The following CFH variants were observed in gnomAD, a reference collection of about 807,000 sequenced individuals.
The protein encoded by CFH is complement factor H.
A neutral mutation model predicts 147.3 loss-of-function variants in CFH; 53 were observed. The ratio of observed to expected loss-of-function variants is 0.36; its 90% CI spans 0.29 to 0.45. The LOEUF (loss-of-function observed/expected upper bound fraction) is 0.45. Ranked by LOEUF, CFH falls within the 20% of genes least tolerant of loss-of-function variation. CFH has a pLI of 1.00. For synonymous variants in CFH, 536 were observed against 489.4 expected (o/e 1.10, Z -1.26); for missense variants, 1,380 against 1,498.0 (o/e 0.92, Z 1.30).
At chr1:196,736,772 T>C (rs1249744852) in intron 15 of CFH, 52 bp from the exon 16 acceptor site, 2 of 929,370 alleles carry the variant, frequency 2.2e-6, no homozygotes, top group Non-Finnish European at 2.8e-6. Context: ...TTTTAATATT[T>C]TTATTTTTTA....
chr1:196,737,137 T>C, intron 16 of CFH, 131 bp downstream of exon 16: 2 of 802,430 alleles, frequency 2.5e-6, no homozygotes, highest in South Asian at 1.7e-5. Flanking sequence ...AATTAGGACC[T>C]AGGCACATTA....
chr1:196,689,164 T>C (rs1031851387), intron 7 of CFH, among the ~76,000 whole-genome samples: 1 of 152,170 alleles, frequency 6.6e-6, no homozygotes. Context: ...CTGTGCATTT[T>C]TCTTTCTGGA....
chr1:196,679,684 T>A lies in CFH; in HGVS notation c.681T>A (p.Tyr227Ter). 1 of 1,608,722 alleles carries A rather than the reference T, an allele frequency of 6.2e-7. No homozygotes were observed. The highest frequency in any genetic ancestry group is 8.5e-7 in the Non-Finnish European group (1 of 1,175,978). The change falls in exon 6 of 22, where the codon TAT (tyrosine) becomes TAA (stop). Residue 227 changes from tyrosine (Y) to a stop codon, truncating the protein, a stop_gained. Transcript: ENST00000367429. LOFTEE classifies it high-confidence loss of function. ...CTCCTATATCTCAGAAGATTATTTA[T>A]AAGGAGAATGAACGATTTCAATATA... is the stretch of plus-strand genomic sequence containing the variant. Reference protein sequence around the residue: ...NGSPISQKIIYKENERFQYKC... With the variant: ...NGSPISQKII
intron 7 of CFH, among the ~76,000 whole-genome samples, chr1:196,687,421 G>A (rs186385088): frequency 3.3e-5 from 5 of 152,002 alleles, no homozygotes; most frequent in East Asian, 1.9e-4. Context: ...TAAATAGCTC[G>A]AGCCTGTGGT....
intron 5 of CFH, chr1:196,678,489 C>G (rs1297974605): frequency 6.6e-6 from 1 of 151,762 alleles, no homozygotes; most frequent in African/African-American, 2.4e-5. Context: ...CTATTAAAGT[C>G]TGTTATATCT....
intron 6 of CFH, among the ~76,000 whole-genome samples, chr1:196,682,982 T>G: frequency 1.2e-5 from 1 of 82,456 alleles, no homozygotes; most frequent in South Asian, 4.3e-4. Context: ...TTTATAAAAT[T>G]TTATGTTTGA....
intron 11 of CFH, among the ~76,000 whole-genome samples, chr1:196,721,421 T>C (rs897515831): frequency 1.3e-5 from 2 of 152,076 alleles, no homozygotes; most frequent in Non-Finnish European, 2.9e-5. Flanking sequence ...AGATACTTGA[T>C]ATTATTTCTA....
chr1:196,662,282 T>C (rs1446666430), intron 1 of CFH, among the ~76,000 whole-genome samples: 1 of 152,244 alleles, frequency 6.6e-6, no homozygotes, highest in Non-Finnish European at 1.5e-5. Flanking sequence ...TCTGTTTTTC[T>C]GGACACTGTG....
At chr1:196,652,223 T>A in intron 1 of CFH, 48 bp downstream of exon 1, 1 of 1,376,482 alleles carries the variant, frequency 7.3e-7, no homozygotes, top group Non-Finnish European at 1.0e-6. Context: ...ATGAAACATT[T>A]GCTAATGATG....
chr1:196,715,492 G>C (rs1182007861), intron 10 of CFH, 101 bp from the exon 11 acceptor site: 2 of 900,288 alleles, frequency 2.2e-6, no homozygotes, highest in Admixed American at 3.7e-5. Flanking sequence ...CTATTTATTA[G>C]TAGATCTAAT....
chr1:196,678,550 T>G (rs796593481), intron 5 of CFH: 73 of 152,170 alleles, frequency 4.8e-4, no homozygotes, highest in African/African-American at 1.7e-3. Flanking sequence ...GTAACAACAA[T>G]AGTTCTTTAT....
chr1:196,744,976 T>C (rs1558186470), intron 20 of CFH, among the ~76,000 whole-genome samples: 1 of 152,176 alleles, frequency 6.6e-6, no homozygotes. Flanking sequence ...AAATTTGGAG[T>C]TGACAGTTCT....
At position 196,742,882 on chromosome 1, in the gene CFH, A is replaced by T. The variant is rs889244643; in HGVS notation, c.3134-570A>T. On this transcript the variant is annotated intron_variant, in intron 19 of 21. Coordinates refer to ENST00000367429, the MANE Select transcript of CFH (RefSeq NM_000186.4). ...TTATTTTTATTATTATAGGCTTTTT[A>T]AAAAAATTTTTCCACATCTCCAATT... 1.4e-4 allele frequency among the ~76,000 whole-genome samples: 21 copies of T among 152,292 alleles called. No individual in the cohort carries two copies. In the East Asian group the frequency reaches 1.9e-3, roughly 14 times the overall value.
intron 5 of CFH, 88 bp from the exon 6 acceptor site, chr1:196,679,535 A>G (rs1667578589): frequency 2.9e-6 from 3 of 1,026,198 alleles, no homozygotes; most frequent in Non-Finnish European, 4.5e-6. Context: ...CCTGATGGAA[A>G]CAACATTTCT....
chr1:196,691,480 A>G (rs1288870638), intron 9 of CFH, among the ~76,000 whole-genome samples: 6 of 152,020 alleles, frequency 3.9e-5, no homozygotes, highest in Non-Finnish European at 8.8e-5. Context: ...ATAAAATGTT[A>G]TAACATTATA....
intron 9 of CFH, among the ~76,000 whole-genome samples, chr1:196,712,256 TTTAAA>T (rs1668739275): frequency 6.6e-6 from 1 of 152,048 alleles, no homozygotes; most frequent in Admixed American, 6.6e-5. Flanking sequence ...CTTTTACCTT[TTTAAA>T]TTGTCTGTAC....
chr1:196,715,503 C>A, intron 10 of CFH, 90 bp from the exon 11 acceptor site: 1 of 1,021,790 alleles, frequency 9.8e-7, no homozygotes, highest in Non-Finnish European at 1.5e-6. Context: ...TAGATCTAAT[C>A]AATAAAGCTT....
At chr1:196,674,021 C>CTTTTT in intron 3 of CFH, 59 bp downstream of exon 3, 1 of 1,134,922 alleles carries the variant, frequency 8.8e-7, no homozygotes, top group South Asian at 1.3e-5. Context: ...AACTCTACTA[C>CTTTTT]TTTATATATT....
intron 14 of CFH, among the ~76,000 whole-genome samples, chr1:196,727,747 A>AT (rs1256025118): frequency 6.6e-6 from 1 of 152,130 alleles, no homozygotes; most frequent in Non-Finnish European, 1.5e-5. Context: ...AAATAAGTGA[A>AT]TGTGCTGCAG....
Sources: gnomAD v4.1 joint callset for allele counts (sites outside exome capture counted in the v4.1 genomes callset) on GRCh38, gnomAD v4.1.1 for gene constraint, MANE v1.5 for transcripts, NCBI Gene and HGNC (gene_info 2026-07-23, HGNC 2026-07-21) for gene names.